Variants in PTPRE observed in about 807,000 individuals in gnomAD.
The protein encoded by PTPRE is receptor-type tyrosine-protein phosphatase epsilon.
Under a neutral mutation model 102.0 loss-of-function variants are expected in PTPRE, and 51 were observed. The ratio of observed to expected loss-of-function variants is 0.50; its 90% CI spans 0.40 to 0.63. PTPRE has a LOEUF of 0.63. PTPRE is among the 30% of genes least tolerant of loss of function. The probability of loss-of-function intolerance (pLI) is 0.00; values close to 1 mark genes in which losing one functional copy is unlikely to be tolerated. For missense variants in PTPRE, 752 were observed against 915.1 expected (o/e 0.82, Z 2.30); for synonymous variants, 345 against 348.2 (o/e 0.99, Z 0.10).
At chr10:128,033,558 A>G (rs574759361) in intron 2 of PTPRE, among the ~76,000 whole-genome samples, 1 of 152,374 alleles carries the variant, frequency 6.6e-6, no homozygotes, top group South Asian at 2.1e-4. Flanking sequence ...GGGAATTATG[A>G]ATATGATTAT....
chr10:128,007,462 T>G (rs906442116), intron 2 of PTPRE, among the ~76,000 whole-genome samples: 1 of 152,198 alleles, frequency 6.6e-6, no homozygotes, highest in African/African-American at 2.4e-5. Context: ...TTAAAGTAAA[T>G]ATTTCCAATG....
chr10:128,047,058 C>A (rs1420306889), intron 3 of PTPRE, among the ~76,000 whole-genome samples: 1 of 152,196 alleles, frequency 6.6e-6, no homozygotes, highest in Non-Finnish European at 1.5e-5. Context: ...GCAGTGGACA[C>A]CGGCCCCTTC....
At chr10:127,988,833 A>G (rs562926170) in intron 2 of PTPRE, among the ~76,000 whole-genome samples, 114 of 152,296 alleles carry the variant, frequency 7.5e-4, no homozygotes, top group African/African-American at 2.6e-3. Flanking sequence ...CTACAATAAC[A>G]TTTTTTAAAA....
chr10:128,072,852 C>T lies in PTPRE; in HGVS notation c.1465-485C>T, dbSNP rs528530961. 5.9e-5 allele frequency among the ~76,000 whole-genome samples: 9 copies of T among 152,272 alleles called. No homozygotes were observed. In the South Asian group the frequency reaches 6.2e-4, roughly 11 times the overall value. ...GTGTGATTTCTGCAATGTGTACCCA[C>T]GTGGACAATACAATTATGTGTTCAG... On this transcript the variant is annotated intron_variant, in intron 16 of 20. Transcript: ENST00000254667.
At chr10:127,949,555 TAG>T (rs1167552505) in intron 1 of PTPRE, among the ~76,000 whole-genome samples, 3 of 152,172 alleles carry the variant, frequency 2.0e-5, no homozygotes, top group Non-Finnish European at 4.4e-5. Context: ...GCAAATAATT[TAG>T]AGACTTTATA....
chr10:127,950,446 A>G (rs1848932158), intron 1 of PTPRE, among the ~76,000 whole-genome samples: 1 of 152,176 alleles, frequency 6.6e-6, no homozygotes, highest in African/African-American at 2.4e-5. Context: ...CTGGAATGCT[A>G]GAGTGGATTT....
At chr10:127,951,846 G>T (rs1260709150) in intron 1 of PTPRE, among the ~76,000 whole-genome samples, 1 of 152,220 alleles carries the variant, frequency 6.6e-6, no homozygotes, top group South Asian at 2.1e-4. Flanking sequence ...TATTTGGCCT[G>T]TGCAGAAGAC....
In PTPRE at chr10:128,085,833, A is replaced by G. The variant is rs1852042463; in HGVS notation, c.*2927A>G. The G allele has an allele frequency of 7.2e-6, 1 of 138,124 alleles. No homozygotes were observed. Among genetic ancestry groups the G allele is most frequent in the Admixed American group, 8.1e-5 (1 of 12,320 alleles). 8.6% of individuals were successfully genotyped at this position (138,124 alleles called of 1,614,324 possible). A position where few individuals can be genotyped will look rare whatever the true frequency, so the allele number is the denominator to read the frequency against. ...AGATTTAAACCATTCTGATGCAAGG[A>G]TAAACCTTTACTTTGACTACCAGCC... On this transcript the variant is annotated 3_prime_UTR_variant, in exon 21 of 21. Coordinates refer to ENST00000254667, the MANE Select transcript of PTPRE (RefSeq NM_006504.6).
intron 7 of PTPRE, among the ~76,000 whole-genome samples, chr10:128,056,711 C>G (rs79062219): frequency 1.5e-3 from 226 of 152,250 alleles, no homozygotes; most frequent in Non-Finnish European, 2.7e-3. Context: ...TAGGAAGGCT[C>G]TGAATCGACC....
intron 1 of PTPRE, among the ~76,000 whole-genome samples, chr10:127,919,274 T>A (rs1483091309): frequency 3.9e-5 from 6 of 152,240 alleles, no homozygotes; most frequent in African/African-American, 1.2e-4. Flanking sequence ...ACTAGAAACA[T>A]AATTTTTGTC....
chr10:128,000,959 T>G (rs1198134495), intron 2 of PTPRE, among the ~76,000 whole-genome samples: 1 of 152,224 alleles, frequency 6.6e-6, no homozygotes, highest in Non-Finnish European at 1.5e-5. Flanking sequence ...TTCAGAGTCA[T>G]GGATAGTAGG....
rs761891737 is a variant in PTPRE at position 128,061,739 on chromosome 10, A to G, written c.625+24A>G. 37 of 1,575,106 alleles carry G rather than the reference A, an allele frequency of 2.3e-5. No homozygotes were observed. In the South Asian group the frequency reaches 3.6e-4, roughly 15 times the overall value. Reference sequence around the variant, plus strand: ...AGGTAAGCTTTTTATTAATTTCTCAACGTATTTTTGGTAACGTGAATAGCT... The same window carrying G: ...AGGTAAGCTTTTTATTAATTTCTCAGCGTATTTTTGGTAACGTGAATAGCT... On this transcript the variant is annotated intron_variant, in intron 9 of 20. Transcript: ENST00000254667.
Position 128,070,910 on chromosome 10 carries a change from C to A in PTPRE, c.1387+9C>A. The A allele has an allele frequency of 6.2e-7, 1 of 1,611,982 alleles. No homozygotes were observed. Among genetic ancestry groups the A allele is most frequent in the Admixed American group, 1.7e-5 (1 of 60,014 alleles). On this transcript the variant is annotated intron_variant, in intron 15 of 20. Coordinates refer to ENST00000254667, the MANE Select transcript of PTPRE (RefSeq NM_006504.6). The surrounding 1 kb of genome is among the most constrained non-coding windows in gnomAD (Gnocchi z 4.8). ...CATCCAGATCATCCCGTGTAAGGCA[C>A]CCGTGGCGTGGCTTGGGCAGGGCTG...
chr10:127,927,112 T>C lies in PTPRE; in HGVS notation c.-31+19803T>C, dbSNP rs72845071. On this transcript the variant is annotated intron_variant, in intron 1 of 20. Transcript: ENST00000254667. The stretch of plus-strand genomic sequence containing the variant: ...AGCATGAGCCACTGCGCCAGGTCTC[T>C]CTTAATCCAAGAGTGACAATGGCAG... Among the ~76,000 whole-genome samples, 525 of 152,220 alleles carry C rather than the reference T, an allele frequency of 3.4e-3. 3 individuals are homozygous for C. The highest frequency in any genetic ancestry group is 5.5e-3 in the Non-Finnish European group (375 of 68,026).
rs1014103693 is a variant in PTPRE at position 127,982,305 on chromosome 10, A to G, written c.-8+9A>G. 41 of 1,236,072 alleles carry G rather than the reference A, an allele frequency of 3.3e-5. No homozygotes were observed. The African/African-American group carries it at 5.3e-4, about 16-fold the overall frequency. 76.6% of individuals were successfully genotyped at this position (1,236,072 alleles called of 1,614,324 possible). Reference sequence around the variant, plus strand: ...GCCTTCACTTTCCCTCGGTGAGTACAAAACTTTTTAAAAATTATTTTTGAT... The same window carrying G: ...GCCTTCACTTTCCCTCGGTGAGTACGAAACTTTTTAAAAATTATTTTTGAT... On this transcript the variant is annotated intron_variant, in intron 2 of 20. Coordinates refer to ENST00000254667, the MANE Select transcript of PTPRE (RefSeq NM_006504.6).
At chr10:128,004,870 A>G (rs186252588) in intron 2 of PTPRE, among the ~76,000 whole-genome samples, 1 of 152,312 alleles carries the variant, frequency 6.6e-6, no homozygotes, top group East Asian at 1.9e-4. Flanking sequence ...GGGGGTTCTA[A>G]TTCTTCTACA....
intron 3 of PTPRE, among the ~76,000 whole-genome samples, chr10:128,042,947 C>T (rs1332987442): frequency 6.6e-6 from 1 of 152,152 alleles, no homozygotes; most frequent in Non-Finnish European, 1.5e-5. Context: ...GCTCAACTCT[C>T]TAGAAATTAG....
At chr10:128,002,683 C>CTTT (rs59007980) in intron 2 of PTPRE, among the ~76,000 whole-genome samples, 2 of 41,154 alleles carry the variant, frequency 4.9e-5, no homozygotes, top group African/African-American at 1.1e-4. Flanking sequence ...AGTCACATAT[C>CTTT]TTTTTTTTTT....
Position 128,056,183 on chromosome 10 carries a change from G to A in PTPRE, c.481G>A (p.Glu161Lys), listed in dbSNP as rs1790353818. ...ACTGGCAAATAAAGAAGAAAACAGA[G>A]AAAAAAACAGATATCCCAACATCCT... is the stretch of plus-strand genomic sequence containing the variant. ...FELANKEENR[E>K]KNRYPNILPN... Residue 161 changes from glutamate (E) to lysine (K), a missense_variant, in exon 7 of 21, where the codon GAA (glutamate) becomes AAA (lysine). This residue lies in a region of PTPRE where 636 missense variants were observed against 824.4 expected (regional missense o/e 0.77). Coordinates refer to ENST00000254667, the MANE Select transcript of PTPRE (RefSeq NM_006504.6). 6.2e-7 allele frequency: 1 copy of A among 1,611,362 alleles called. No individual in the cohort carries two copies. The highest frequency in any genetic ancestry group is 1.3e-5 in the African/African-American group (1 of 74,836).
Sources: allele counts gnomAD v4.1 joint callset (sites outside exome capture counted in the v4.1 genomes callset), GRCh38; gene constraint gnomAD v4.1.1; regional missense constraint gnomAD v4.1.1; non-coding constraint Gnocchi (gnomAD v3.1); transcripts MANE v1.5; gene names NCBI Gene and HGNC (gene_info 2026-07-23, HGNC 2026-07-21).